SLC12A7: variants seen among roughly 807,000 people sequenced by gnomAD.
SLC12A7 encodes solute carrier family 12 member 7.
A neutral mutation model predicts 120.6 loss-of-function variants in SLC12A7; 100 were observed. The ratio of observed to expected loss-of-function variants is 0.83; its 90% CI spans 0.71 to 0.98. The LOEUF (loss-of-function observed/expected upper bound fraction) is 0.98. Ranked by LOEUF, SLC12A7 falls within the 50% of genes least tolerant of loss-of-function variation. SLC12A7 has a pLI of 0.00. For missense variants in SLC12A7, 1,373 were observed against 1,548.1 expected, an observed-to-expected ratio of 0.89 and a Z score of 1.90; for synonymous variants, 760 against 678.0, an observed-to-expected ratio of 1.12 and a Z score of -1.88.
rs1033061024 is a variant in SLC12A7, at chr5:1,051,995, G to A, written c.*365C>T. On this transcript the variant is annotated 3_prime_UTR_variant, in exon 24 of 24. Coordinates refer to ENST00000264930, the MANE Select transcript of SLC12A7 (RefSeq NM_006598.3). ...AGAATGTTCTGGATGGGGTAGAAAT[G>A]CAACCTAACCACTGGGTAAATCCAG... 1.8e-5 allele frequency: 5 copies of A among 283,736 alleles called. No individual in the cohort carries two copies. Among genetic ancestry groups the A allele is most frequent in the African/African-American group, 6.6e-5 (3 of 45,674 alleles). The allele number at this position is 283,736 out of a possible 1,614,324, so 17.6% of individuals were successfully genotyped here.
chr5:1,096,687 G>A (rs1208148400), intron 1 of SLC12A7, among the ~76,000 whole-genome samples: 1 of 109,956 alleles, frequency 9.1e-6, no homozygotes, highest in Non-Finnish European at 1.9e-5. Context: ...AAAGGAGGGA[G>A]GGGGGAAGGG....
chr5:1,147,258 C>T, the SLC12A7 span, among the ~76,000 whole-genome samples: 16 of 141,042 alleles, frequency 1.1e-4, 1 homozygote, highest in Admixed American at 1.1e-3. Context: ...CCACCCCCCC[C>T]GCCCCCGCCT....
At chr5:1,090,420 G>C (rs1740367714) in intron 3 of SLC12A7, among the ~76,000 whole-genome samples, 1 of 152,216 alleles carries the variant, frequency 6.6e-6, no homozygotes, top group African/African-American at 2.4e-5. Context: ...GCTTCTGACG[G>C]GGGCCCTGGA....
intron 9 of SLC12A7, among the ~76,000 whole-genome samples, chr5:1,080,665 G>A (rs1042634934): frequency 5.9e-5 from 9 of 152,194 alleles, no homozygotes; most frequent in Non-Finnish European, 1.3e-4. Context: ...TGTGCGACTC[G>A]AAGAGCACGG....
chr5:1,058,488 G>C (rs1190412958), intron 21 of SLC12A7, among the ~76,000 whole-genome samples: 1 of 152,254 alleles, frequency 6.6e-6, no homozygotes, highest in Non-Finnish European at 1.5e-5. Flanking sequence ...GCCTGAGTTT[G>C]TGACGCAGCC....
intron 3 of SLC12A7, among the ~76,000 whole-genome samples, chr5:1,092,947 A>G (rs562793657): frequency 1.5e-4 from 23 of 152,238 alleles, no homozygotes; most frequent in South Asian, 1.2e-3. Flanking sequence ...CCGTCTGTAC[A>G]GGACGGCAGA....
At chr5:1,066,995 G>A (rs1026633747) in intron 17 of SLC12A7, among the ~76,000 whole-genome samples, 22 of 151,992 alleles carry the variant, frequency 1.4e-4, no homozygotes, top group Admixed American at 6.6e-5. Context: ...CAGCCCCTAC[G>A]TCAGCCTGAC....
chr5:1,096,740 GGAGGGAAGGAAGGAGGGAGGAAGGA>G (rs1279879121), intron 1 of SLC12A7, among the ~76,000 whole-genome samples: 1 of 21,020 alleles, frequency 4.8e-5, no homozygotes, highest in East Asian at 2.5e-3. Context: ...AGGGGGGAAG[GGAGGGAAGGAAGGAGGGAGGAAGGA>G]AAGGAGGGAG....
intron 1 of SLC12A7, among the ~76,000 whole-genome samples, chr5:1,098,118 C>A (rs1178076534): frequency 1.6e-5 from 2 of 124,390 alleles, no homozygotes; most frequent in Non-Finnish European, 3.3e-5. Flanking sequence ...CAGCCCCCCT[C>A]TAACCCTCTG....
At chr5:1,133,363 C>T in the SLC12A7 span, among the ~76,000 whole-genome samples, 3 of 152,314 alleles carry the variant, frequency 2.0e-5, no homozygotes, top group East Asian at 3.9e-4. Context: ...GCTTGAATCC[C>T]GTCAGCCCCA....
chr5:1,140,585 C>T, the SLC12A7 span, among the ~76,000 whole-genome samples: 19 of 152,198 alleles, frequency 1.2e-4, no homozygotes, highest in Non-Finnish European at 1.8e-4. Flanking sequence ...GGGTTCAGGA[C>T]GGTGCCAGCA....
chr5:1,058,543 G>T (rs988648179), intron 21 of SLC12A7, among the ~76,000 whole-genome samples: 16 of 152,236 alleles, frequency 1.1e-4, no homozygotes, highest in African/African-American at 3.9e-4. Context: ...TGTGAGCCCC[G>T]GGGTGATTTT....
chr5:1,059,862 T>C (rs113686383), intron 21 of SLC12A7, among the ~76,000 whole-genome samples: 5 of 150,442 alleles, frequency 3.3e-5, no homozygotes, highest in South Asian at 2.1e-4. Context: ...CAGAAATCTG[T>C]GCATGCTGCG....
At chr5:1,147,246 C>T in the SLC12A7 span, among the ~76,000 whole-genome samples, 21 of 94,884 alleles carry the variant, frequency 2.2e-4, no homozygotes, top group Admixed American at 1.1e-4. Context: ...CGGCCCACCC[C>T]GCCACCCCCC....
chr5:1,059,089 C>A (rs952078624), intron 21 of SLC12A7, among the ~76,000 whole-genome samples: 7 of 152,234 alleles, frequency 4.6e-5, no homozygotes, highest in Non-Finnish European at 7.3e-5. Flanking sequence ...CCAGGGCGAC[C>A]CTGCCGGATC....
At chr5:1,116,523 T>G (rs1261045896), upstream of SLC12A7, among the ~76,000 whole-genome samples, 1 of 152,126 alleles carries the variant, frequency 6.6e-6, no homozygotes, top group African/African-American at 2.4e-5. Flanking sequence ...CAACAGAAGG[T>G]CAAGCTTGAG....
At chr5:1,091,042 C>T (rs968408095) in intron 3 of SLC12A7, among the ~76,000 whole-genome samples, 1 of 152,158 alleles carries the variant, frequency 6.6e-6, no homozygotes, top group Non-Finnish European at 1.5e-5. Flanking sequence ...AACTGAAACC[C>T]GCCACCGTCA....
the SLC12A7 span, among the ~76,000 whole-genome samples, chr5:1,123,552 C>T: frequency 6.8e-4 from 104 of 152,356 alleles, no homozygotes; most frequent in Non-Finnish European, 1.3e-3. Context: ...AGCCTGGCCC[C>T]GCCGGCCCAC....
intron 8 of SLC12A7, 53 bp downstream of exon 8, chr5:1,083,692 C>T (rs1012246475): frequency 7.0e-6 from 11 of 1,561,954 alleles, no homozygotes; most frequent in Admixed American, 3.3e-5. Flanking sequence ...CCAGGGCCAG[C>T]GCCTGCTGCC....
Sources: allele counts gnomAD v4.1 joint callset (sites outside exome capture counted in the v4.1 genomes callset), GRCh38; gene constraint gnomAD v4.1.1; transcripts MANE v1.5; gene names NCBI Gene and HGNC (gene_info 2026-07-23, HGNC 2026-07-21).